Variants in TBC1D4 observed in about 807,000 individuals in gnomAD.
The protein encoded by TBC1D4 is TBC1 domain family member 4, also known as TBC (Tre-2, BUB2, CDC16) domain-containing protein.
TBC1D4 carries 121 observed loss-of-function variants against 142.5 expected under a neutral mutation model. The ratio of observed to expected loss-of-function variants is 0.85; its 90% CI spans 0.73 to 0.99. TBC1D4 has a LOEUF of 0.99. TBC1D4 is among the 50% of genes least tolerant of loss of function. TBC1D4 has a pLI of 0.00. For missense variants in TBC1D4, 1,475 were observed against 1,606.6 expected (o/e 0.92, Z 1.40); for synonymous variants, 630 against 628.2 (o/e 1.00, Z -0.04).
Position 75,362,556 on chromosome 13 carries a change from C to T in TBC1D4, c.550G>A (p.Glu184Lys). 6.2e-7 allele frequency: 1 copy of T among 1,614,194 alleles called. No individual in the cohort carries two copies. Among genetic ancestry groups the T allele is most frequent in the Non-Finnish European group, 8.5e-7 (1 of 1,180,034 alleles). ...IRQLSKAAMKEDAKPSKDNED... is the reference protein window; with the variant it reads ...IRQLSKAAMKKDAKPSKDNED... ...TTATCTTTGCTGGGTTTGGCATCCTCTTTCATGGCCGCTTTAGATAATTGC... is the reference window on the plus strand; with the variant it reads ...TTATCTTTGCTGGGTTTGGCATCCTTTTTCATGGCCGCTTTAGATAATTGC... Residue 184 changes from glutamate (E) to lysine (K), a missense_variant, in exon 2 of 21, where the codon GAG becomes AAG. Glu to Lys is a moderately conservative substitution (Grantham distance 56). This residue lies in a region of TBC1D4 where 1,227 missense variants were observed against 1,267.7 expected (regional missense o/e 0.97). Coordinates refer to ENST00000377636, the MANE Select transcript of TBC1D4 (RefSeq NM_014832.5). This position sits in a 1 kb window ranked among gnomAD's most constrained non-coding sequence, Gnocchi z 4.2.
chr13:75,343,801 C>T (rs760700376), intron 5 of TBC1D4, among the ~76,000 whole-genome samples: 3 of 151,670 alleles, frequency 2.0e-5, no homozygotes, highest in African/African-American at 4.8e-5. Context: ...CATGAGCCAC[C>T]GTGCCCTGTT....
chr13:75,404,069 C>T (rs1167756283), intron 1 of TBC1D4, among the ~76,000 whole-genome samples: 38 of 147,710 alleles, frequency 2.6e-4, no homozygotes, highest in Non-Finnish European at 3.9e-4. Flanking sequence ...TACATACACA[C>T]ACACACACAC....
At chr13:75,412,005 A>T (rs1885692167) in intron 1 of TBC1D4, among the ~76,000 whole-genome samples, 1 of 152,238 alleles carries the variant, frequency 6.6e-6, no homozygotes, top group Admixed American at 6.5e-5. Flanking sequence ...TACTACAAAT[A>T]ATAACCAGGC....
At chr13:75,410,064 A>T (rs182280952) in intron 1 of TBC1D4, among the ~76,000 whole-genome samples, 1 of 152,362 alleles carries the variant, frequency 6.6e-6, no homozygotes, top group Admixed American at 6.5e-5. Context: ...CCTTGTATAA[A>T]CAAAATAACA....
At chr13:75,334,512 A>G (rs1238220974) in intron 8 of TBC1D4, among the ~76,000 whole-genome samples, 1 of 152,100 alleles carries the variant, frequency 6.6e-6, no homozygotes, top group Non-Finnish European at 1.5e-5. Flanking sequence ...ATGATTTTAT[A>G]TTGATACCTC....
intron 12 of TBC1D4, 66 bp from the exon 13 acceptor site, chr13:75,312,964 C>T: frequency 6.4e-7 from 1 of 1,574,506 alleles, no homozygotes; most frequent in Non-Finnish European, 8.7e-7. Context: ...TCACAACCAA[C>T]TGGTAGCACA....
At chr13:75,318,502 T>C (rs1566373296) in intron 12 of TBC1D4, among the ~76,000 whole-genome samples, 1 of 152,208 alleles carries the variant, frequency 6.6e-6, no homozygotes, top group African/African-American at 2.4e-5. Context: ...AGCTTTCTCT[T>C]TGTAAGCCTT....
chr13:75,357,064 T>G (rs1419538412), intron 3 of TBC1D4, among the ~76,000 whole-genome samples: 1 of 152,186 alleles, frequency 6.6e-6, no homozygotes, highest in Non-Finnish European at 1.5e-5. Flanking sequence ...TTCAACTAAT[T>G]GTGAGATATG....
At chr13:75,450,217 T>C (rs1463202291) in intron 1 of TBC1D4, among the ~76,000 whole-genome samples, 6 of 152,216 alleles carry the variant, frequency 3.9e-5, no homozygotes, top group African/African-American at 1.4e-4. Flanking sequence ...GTGGCCATAG[T>C]TGCCATTCAT....
intron 1 of TBC1D4, among the ~76,000 whole-genome samples, chr13:75,424,857 T>C (rs1886316986): frequency 6.6e-6 from 1 of 152,120 alleles, no homozygotes. Context: ...TATACAGAAA[T>C]CAACTCAAAC....
chr13:75,341,357 T>C (rs891242483), intron 6 of TBC1D4, 122 bp from the exon 7 acceptor site: 2 of 1,258,954 alleles, frequency 1.6e-6, no homozygotes, highest in Admixed American at 1.8e-5. Flanking sequence ...AAAAGTAAAA[T>C]GGCATTCTAT....
At chr13:75,419,445 C>G (rs539640149) in intron 1 of TBC1D4, among the ~76,000 whole-genome samples, 1 of 152,102 alleles carries the variant, frequency 6.6e-6, no homozygotes, top group South Asian at 2.1e-4. Context: ...TAGTCTATTA[C>G]CAGCTTTAAG....
In TBC1D4 at chr13:75,362,102, G is replaced by A. The variant is rs750425259; in HGVS notation, c.1004C>T (p.Pro335Leu). ...GGGTGCGCTCGCGTGTCTCCGTCGC[G>A]GCTGGGATTTCTGGCTGCCCTCGTG... is the stretch of plus-strand genomic sequence containing the variant. ...RVHEGSQKSQ[P>L]RRRHASAPSH... Residue 335 changes from proline (P) to leucine (L), a missense_variant, in exon 2 of 21, where the codon CCG becomes CTG. Physicochemically the swap from Pro to Leu is moderately conservative, Grantham distance 98. Coordinates refer to ENST00000377636, the MANE Select transcript of TBC1D4 (RefSeq NM_014832.5). The surrounding 1 kb of genome is among the most constrained non-coding windows in gnomAD (Gnocchi z 4.2). 4 of 1,614,014 alleles carry A rather than the reference G, an allele frequency of 2.5e-6. No homozygotes were observed. In the East Asian group the frequency reaches 6.7e-5, roughly 27 times the overall value.
At chr13:75,398,664 C>T (rs1208986375) in intron 1 of TBC1D4, among the ~76,000 whole-genome samples, 2 of 152,110 alleles carry the variant, frequency 1.3e-5, no homozygotes, top group African/African-American at 4.8e-5. Context: ...GGACCCAAAA[C>T]GTTATGGGTC....
intron 1 of TBC1D4, among the ~76,000 whole-genome samples, chr13:75,398,633 A>G (rs900999806): frequency 2.0e-5 from 3 of 152,238 alleles, no homozygotes; most frequent in African/African-American, 7.2e-5. Context: ...TAAGAAAAGC[A>G]GAAATCAGAG....
In TBC1D4 at chr13:75,312,819, G is replaced by A. The variant is rs760687347; in HGVS notation, c.2302C>T (p.Arg768Cys). 9.3e-6 allele frequency: 15 copies of A among 1,614,082 alleles called. No homozygotes were observed. The highest frequency in any genetic ancestry group is 1.6e-4 in the Middle Eastern group (1 of 6,084). ...LSVGGTSVTP[R>C]RISWRQRIFL... The stretch of plus-strand genomic sequence containing the variant: ...ATGCGCTGCCGCCAGGAGATCCGGC[G>A]AGGAGTGACAGAGGTTCCTCCCACA... Residue 768 changes from arginine (R) to cysteine (C), a missense_variant, in exon 13 of 21, where the codon CGC (arginine) becomes TGC (cysteine). Transcript: ENST00000377636.
intron 1 of TBC1D4, among the ~76,000 whole-genome samples, chr13:75,472,576 C>G (rs1414911081): frequency 6.6e-6 from 1 of 152,154 alleles, no homozygotes; most frequent in African/African-American, 2.4e-5. Context: ...CAAATAAAAT[C>G]TGTTAACAGC....
chr13:75,401,180 TCCC>T (rs1469060293), intron 1 of TBC1D4, among the ~76,000 whole-genome samples: 9 of 152,278 alleles, frequency 5.9e-5, no homozygotes, highest in African/African-American at 2.2e-4. Flanking sequence ...TTCTACATAC[TCCC>T]CTTCTCCCTG....
intron 17 of TBC1D4, among the ~76,000 whole-genome samples, chr13:75,297,835 T>G (rs1156977032): frequency 6.6e-6 from 1 of 152,028 alleles, no homozygotes; most frequent in Non-Finnish European, 1.5e-5. Context: ...TTTCCACAGT[T>G]GTTATTTGAC....
Sources: allele counts gnomAD v4.1 joint callset (sites outside exome capture counted in the v4.1 genomes callset), GRCh38; gene constraint gnomAD v4.1.1; regional missense constraint gnomAD v4.1.1; non-coding constraint Gnocchi (gnomAD v3.1); transcripts MANE v1.5; gene names NCBI Gene and HGNC (gene_info 2026-07-23, HGNC 2026-07-21).